The following CALHM4 variants were observed in gnomAD, a reference collection of about 807,000 sequenced individuals.
The protein encoded by CALHM4 is calcium homeostasis modulator family member 4, also known as calcium homeostasis modulator protein 4.
CALHM4 carries 16 observed loss-of-function variants against 13.3 expected under a neutral mutation model. The ratio of observed to expected loss-of-function variants is 1.20; its 90% CI spans 0.81 to 1.82. CALHM4 has a LOEUF of 1.82. Among genes scored for constraint, CALHM4 ranks in the 40% most tolerant of loss-of-function variants. CALHM4 has a pLI of 0.00. For missense variants in CALHM4, 344 were observed against 374.9 expected, an observed-to-expected ratio of 0.92 and a Z score of 0.68; for synonymous variants, 127 against 137.1, an observed-to-expected ratio of 0.93 and a Z score of 0.52.
upstream of CALHM4, among the ~76,000 whole-genome samples, chr6:116,552,297 A>T (rs1562362845): frequency 6.6e-6 from 1 of 152,166 alleles, no homozygotes; most frequent in Non-Finnish European, 1.5e-5. Flanking sequence ...GTTTTAAAGA[A>T]TATCTATTTT....
intron 1 of CALHM4, among the ~76,000 whole-genome samples, chr6:116,556,967 GTC>G (rs1175532795): frequency 7.4e-6 from 1 of 135,410 alleles, no homozygotes; most frequent in East Asian, 2.2e-4. Flanking sequence ...TTGAGATGGA[GTC>G]TCTCTCTGTC....
At chr6:116,543,298 C>G (rs1773575533) in intron 1 of CALHM4, 2 of 1,544,296 alleles carry the variant, frequency 1.3e-6, no homozygotes, top group African/African-American at 2.8e-5. Context: ...AGGACTTCCA[C>G]TTACATTTTA....
At chr6:116,529,185 T>A (rs752176969) in exon 1 of CALHM4, 1 of 152,214 alleles carries the variant, frequency 6.6e-6, no homozygotes, top group Non-Finnish European at 1.5e-5. Context: ...TTCAGCTCTG[T>A]GCGTGGTAAG....
chr6:116,533,236 T>A (rs988994075), intron 1 of CALHM4, among the ~76,000 whole-genome samples: 2 of 152,210 alleles, frequency 1.3e-5, no homozygotes, highest in African/African-American at 4.8e-5. Context: ...TTGGAGGGAT[T>A]GAGAAAGCGA....
At chr6:116,532,677 G>A (rs1772816279) in intron 1 of CALHM4, among the ~76,000 whole-genome samples, 1 of 152,216 alleles carries the variant, frequency 6.6e-6, no homozygotes, top group Admixed American at 6.5e-5. Context: ...TTCTTTAGAT[G>A]TAGACTGGAA....
chr6:116,531,578 T>A (rs1386479961), intron 1 of CALHM4, among the ~76,000 whole-genome samples: 1 of 152,096 alleles, frequency 6.6e-6, no homozygotes, highest in Admixed American at 6.6e-5. Flanking sequence ...TCCCAGAATA[T>A]CTCTACAATA....
Position 116,557,917 on chromosome 6 carries a change from AC to A in CALHM4, c.652del (p.His218IlefsTer27). On this transcript the variant is annotated frameshift_variant, in exon 2 of 2. Transcript: ENST00000368596. LOFTEE classifies it high-confidence loss of function. ...GCTGCTCTCCCCTCACCTCTCTGCA[AC>A]ATTGCTACTGGACCAGCCACCTCCA... ...KCCSPLTSLQHCYWTSHLQNE... is the reference protein window; with the variant it reads ...KCCSPLTSLQXCYWTSHLQNE... The A allele has an allele frequency of 6.2e-7, 1 of 1,614,126 alleles. No individual in the cohort carries two copies. The highest frequency in any genetic ancestry group is 1.1e-5 in the South Asian group (1 of 91,074).
rs977220302 is a variant in CALHM4 at position 116,543,922 on chromosome 6, C to T, written c.-1+50C>T. 15 of 1,357,068 alleles carry T rather than the reference C, an allele frequency of 1.1e-5. No individual in the cohort carries two copies. In the African/African-American group the frequency reaches 1.8e-4, roughly 16 times the overall value. 84.1% of individuals were successfully genotyped at this position (1,357,068 alleles called of 1,614,324 possible). A position where few individuals can be genotyped will look rare whatever the true frequency, so the allele number is the denominator to read the frequency against. ...GAGAAAAAAGGGGAATGTGATATTTCCTTATAGTTCTCCAAAATATGTCCC... is the reference window on the plus strand; with the variant it reads ...GAGAAAAAAGGGGAATGTGATATTTTCTTATAGTTCTCCAAAATATGTCCC... On this transcript the variant is annotated intron_variant, in intron 2 of 2. Coordinates refer to the CALHM4 transcript ENST00000368597.
At chr6:116,534,511 C>T (rs1284570524) in intron 1 of CALHM4, among the ~76,000 whole-genome samples, 4 of 152,166 alleles carry the variant, frequency 2.6e-5, no homozygotes, top group African/African-American at 9.7e-5. Flanking sequence ...GTACACTCAA[C>T]TCTAATCTCA....
chr6:116,539,076 C>T (rs973145290), intron 1 of CALHM4, among the ~76,000 whole-genome samples: 3 of 152,088 alleles, frequency 2.0e-5, no homozygotes, highest in Non-Finnish European at 4.4e-5. Context: ...CTGTGTCTTA[C>T]TAATCAAAAA....
At chr6:116,537,060 T>C (rs1476717706) in intron 1 of CALHM4, among the ~76,000 whole-genome samples, 1 of 152,158 alleles carries the variant, frequency 6.6e-6, no homozygotes, top group Non-Finnish European at 1.5e-5. Flanking sequence ...TAAAGGAACA[T>C]TTTGTTGGAG....
intron 1 of CALHM4, among the ~76,000 whole-genome samples, chr6:116,538,623 C>T (rs1294873867): frequency 6.6e-6 from 1 of 152,130 alleles, no homozygotes; most frequent in Admixed American, 6.5e-5. Flanking sequence ...TAATAAACAA[C>T]CTTAAATACA....
chr6:116,534,118 T>C (rs79535159), intron 1 of CALHM4, among the ~76,000 whole-genome samples: 118 of 149,024 alleles, frequency 7.9e-4, no homozygotes, highest in African/African-American at 2.0e-3. Flanking sequence ...GTTTTTTTTT[T>C]CCCCTTTCTC....
chr6:116,546,027 A>G (rs1773761161), intron 2 of CALHM4, among the ~76,000 whole-genome samples: 1 of 152,210 alleles, frequency 6.6e-6, no homozygotes, highest in Non-Finnish European at 1.5e-5. Context: ...TTAAAACGTG[A>G]TCCCTCAACT....
At chr6:116,556,480 G>T (rs1459848802) in intron 1 of CALHM4, among the ~76,000 whole-genome samples, 1 of 152,176 alleles carries the variant, frequency 6.6e-6, no homozygotes, top group Admixed American at 6.5e-5. Flanking sequence ...CCGCCATGCT[G>T]GCCTCTGTTT....
intron 2 of CALHM4, chr6:116,545,371 C>T: frequency 2.2e-6 from 2 of 925,806 alleles, no homozygotes; most frequent in South Asian, 1.7e-5. Context: ...GTCTTTCCTC[C>T]ACTAAAAATT....
intron 1 of CALHM4, among the ~76,000 whole-genome samples, chr6:116,534,110 T>G (rs1772922117): frequency 1.5e-5 from 1 of 66,018 alleles, no homozygotes; most frequent in African/African-American, 3.9e-5. Flanking sequence ...TGTAGTGCGT[T>G]TTTTTTTTCC....
chr6:116,551,673 C>T (rs891929565), upstream of CALHM4, among the ~76,000 whole-genome samples: 1 of 152,036 alleles, frequency 6.6e-6, no homozygotes, highest in East Asian at 1.9e-4. Flanking sequence ...TTGCTATGGA[C>T]ATTCATGTGC....
chr6:116,558,113 A>G lies in CALHM4; in HGVS notation c.847A>G (p.Met283Val). 3.7e-6 allele frequency: 6 copies of G among 1,614,130 alleles called. No homozygotes were observed. Among genetic ancestry groups the G allele is most frequent in the African/African-American group, 1.3e-5 (1 of 75,030 alleles). ...TATTTCAGTACCCACTCTTTTATGC[A>G]TGGGTGATGACTTGCAAGGTCACTA... ...KDISVPTLLC[M>V]GDDLQGHYSF... Residue 283 changes from methionine (M) to valine (V), a missense_variant, in exon 2 of 2, where the codon ATG becomes GTG. By Grantham distance (21) the Met-to-Val change is conservative. Coordinates refer to ENST00000368596, the MANE Select transcript of CALHM4 (RefSeq NM_001366078.2).
Sources: allele counts gnomAD v4.1 joint callset (sites outside exome capture counted in the v4.1 genomes callset), GRCh38; gene constraint gnomAD v4.1.1; transcripts MANE v1.5; gene names NCBI Gene and HGNC (gene_info 2026-07-23, HGNC 2026-07-21).